The following NCAM2 variants were observed in gnomAD, a reference collection of about 807,000 sequenced individuals.
NCAM2 encodes the protein neural cell adhesion molecule 2, also known as N-CAM-2.
NCAM2 carries 30 observed loss-of-function variants against 98.1 expected under a neutral mutation model. That is an observed-to-expected ratio of 0.31 (90% confidence interval 0.23 to 0.41). The LOEUF is 0.41. NCAM2 is among the 10% of genes least tolerant of loss of function. The pLI is 1.00. For synonymous variants in NCAM2, 368 were observed against 342.4 expected (o/e 1.07, Z -0.83); for missense variants, 867 against 1,005.8 (o/e 0.86, Z 1.87).
At chr21:21,261,500 G>C (rs2147347510) in intron 1 of NCAM2, among the ~76,000 whole-genome samples, 1 of 152,164 alleles carries the variant, frequency 6.6e-6, no homozygotes, top group South Asian at 2.1e-4. Flanking sequence ...CAAATATTTT[G>C]TCGGACAACA....
At chr21:21,128,966 A>T (rs1324811234) in intron 1 of NCAM2, among the ~76,000 whole-genome samples, 1 of 152,202 alleles carries the variant, frequency 6.6e-6, no homozygotes, top group Non-Finnish European at 1.5e-5. Flanking sequence ...AGAATGAATG[A>T]GCAGAAATGA....
At chr21:21,473,373 AATATATAT>A (rs57318222) in intron 14 of NCAM2, among the ~76,000 whole-genome samples, 3 of 140,502 alleles carry the variant, frequency 2.1e-5, no homozygotes, top group Non-Finnish European at 4.6e-5. Context: ...TATATGTATA[AATATATAT>A]ATATATATAT....
intron 15 of NCAM2, among the ~76,000 whole-genome samples, chr21:21,501,111 T>G (rs909650743): frequency 5.3e-5 from 8 of 152,176 alleles, no homozygotes; most frequent in Middle Eastern, 3.4e-3. Context: ...CTTTGTATAT[T>G]CAAGGGAATT....
intron 1 of NCAM2, among the ~76,000 whole-genome samples, chr21:21,070,743 G>A (rs114507449): frequency 6.6e-6 from 1 of 152,106 alleles, no homozygotes; most frequent in East Asian, 1.9e-4. Context: ...AACTAAAGAT[G>A]GCAAGGATTA....
intron 8 of NCAM2, among the ~76,000 whole-genome samples, chr21:21,356,987 CAATA>C (rs56359248): frequency 0.014 from 1,970 of 145,036 alleles, 19 homozygotes; most frequent in South Asian, 0.05. Flanking sequence ...GAAACTCCAT[CAATA>C]AATAAATAAA....
At position 21,142,377 on chromosome 21, in the gene NCAM2, G is replaced by GTTTTTTTTTTTTTT. The variant is rs10686568; in HGVS notation, c.56-138195_56-138182dup. ...AAATTATTTGACCGTTTTTTTTTAT[G>GTTTTTTTTTTTTTT]TTTTTTTTTTTTTTTTTTTGAGATA... On this transcript the variant is annotated intron_variant, in intron 1 of 17. Transcript: ENST00000400546. 1.6e-3 allele frequency among the ~76,000 whole-genome samples: 176 copies of GTTTTTTTTTTTTTT among 107,110 alleles called. 2 individuals are homozygous for GTTTTTTTTTTTTTT. Among genetic ancestry groups the GTTTTTTTTTTTTTT allele is most frequent in the Non-Finnish European group, 2.1e-3 (125 of 59,014 alleles). The allele number at this position is 107,110 out of a possible 152,430, so 70.3% of individuals were successfully genotyped here. A position where few individuals can be genotyped will look rare whatever the true frequency, so the allele number is the denominator to read the frequency against.
chr21:21,053,080 T>C (rs1253117411), intron 1 of NCAM2, among the ~76,000 whole-genome samples: 1 of 152,070 alleles, frequency 6.6e-6, no homozygotes, highest in Non-Finnish European at 1.5e-5. Flanking sequence ...GCAAAAACAA[T>C]TAATTGCTGG....
intron 1 of NCAM2, among the ~76,000 whole-genome samples, chr21:21,249,844 A>G (rs1360337003): frequency 1.3e-5 from 2 of 152,172 alleles, no homozygotes; most frequent in Non-Finnish European, 1.5e-5. Flanking sequence ...TGAATCTATG[A>G]ATTTTTCTAT....
chr21:21,413,484 T>C (rs2076927960), intron 10 of NCAM2, among the ~76,000 whole-genome samples: 1 of 152,204 alleles, frequency 6.6e-6, no homozygotes, highest in African/African-American at 2.4e-5. Flanking sequence ...AATATCAGCA[T>C]TTTTAGCTGG....
chr21:21,012,960 G>A (rs547932890), intron 1 of NCAM2, among the ~76,000 whole-genome samples: 6 of 152,046 alleles, frequency 3.9e-5, no homozygotes, highest in African/African-American at 1.4e-4. Context: ...TATAAGTGTC[G>A]TGTATACTCT....
intron 2 of NCAM2, among the ~76,000 whole-genome samples, chr21:21,283,822 T>A (rs976028244): frequency 2.6e-5 from 4 of 151,930 alleles, no homozygotes; most frequent in Admixed American, 2.6e-4. Context: ...TGTGGTTCTG[T>A]TCAGATATTA....
At chr21:21,416,495 A>G (rs1369375364) in intron 10 of NCAM2, among the ~76,000 whole-genome samples, 5 of 122,708 alleles carry the variant, frequency 4.1e-5, no homozygotes, top group Non-Finnish European at 7.1e-5. Context: ...TCAATTTGTG[A>G]AAAAAAAAAA....
At position 20,998,434 on chromosome 21, in the gene NCAM2, T is replaced by G; in HGVS notation, c.-130T>G. On this transcript the variant is annotated 5_prime_UTR_variant, in exon 1 of 18. Coordinates refer to ENST00000400546, the MANE Select transcript of NCAM2 (RefSeq NM_004540.5). ...ACTTTGCGAGGAGGAGCGCGCGGGC[T>G]GCGGGCGGCTGGGGCACCGCGGGAG... 5 of 764,544 alleles carry G rather than the reference T, an allele frequency of 6.5e-6. No homozygotes were observed. In the South Asian group the frequency reaches 9.8e-5, roughly 15 times the overall value. The allele number at this position is 764,544 out of a possible 1,614,324, so 47.4% of individuals were successfully genotyped here. A position where few individuals can be genotyped will look rare whatever the true frequency, so the allele number is the denominator to read the frequency against.
chr21:21,247,508 G>C (rs774324522), intron 1 of NCAM2, among the ~76,000 whole-genome samples: 2 of 151,992 alleles, frequency 1.3e-5, no homozygotes, highest in Non-Finnish European at 2.9e-5. Flanking sequence ...ATCTATCTAG[G>C]TATTCCTAAA....
At chr21:21,136,866 CA>C (rs1227766349) in intron 1 of NCAM2, among the ~76,000 whole-genome samples, 1 of 150,734 alleles carries the variant, frequency 6.6e-6, no homozygotes, top group African/African-American at 2.4e-5. Context: ...AACTGTTCCT[CA>C]AAAGAAATTT....
intron 1 of NCAM2, among the ~76,000 whole-genome samples, chr21:21,200,366 AG>A (rs1418699972): frequency 6.7e-6 from 1 of 150,076 alleles, no homozygotes; most frequent in Non-Finnish European, 1.5e-5. Flanking sequence ...GTCAACTCTC[AG>A]GAATGGGTTC....
intron 1 of NCAM2, among the ~76,000 whole-genome samples, chr21:21,118,162 A>G (rs939189330): frequency 6.6e-6 from 1 of 152,170 alleles, no homozygotes; most frequent in Non-Finnish European, 1.5e-5. Flanking sequence ...TAATGAAGTT[A>G]TTTGGTAACC....
chr21:21,132,682 T>G (rs1190013255), intron 1 of NCAM2, among the ~76,000 whole-genome samples: 7 of 152,190 alleles, frequency 4.6e-5, no homozygotes, highest in Non-Finnish European at 1.0e-4. Context: ...AAAATAAACA[T>G]AGATCCTGGT....
chr21:21,301,114 C>A (rs2073696408), intron 5 of NCAM2, among the ~76,000 whole-genome samples: 1 of 151,758 alleles, frequency 6.6e-6, no homozygotes, highest in African/African-American at 2.4e-5. Flanking sequence ...TGTTTAAGTC[C>A]CTTAGAGGCT....
Sources: allele counts gnomAD v4.1 joint callset (sites outside exome capture counted in the v4.1 genomes callset), GRCh38; gene constraint gnomAD v4.1.1; transcripts MANE v1.5; gene names NCBI Gene and HGNC (gene_info 2026-07-23, HGNC 2026-07-21).